Variants in CFP observed in about 807,000 individuals in gnomAD.
CFP encodes the protein properdin.
CFP carries 14 observed loss-of-function variants against 42.1 expected under a neutral mutation model. The observed-to-expected ratio is 0.33, with a 90% CI of 0.22 to 0.52. The LOEUF (loss-of-function observed/expected upper bound fraction) is 0.52, where lower values mean the gene tolerates loss of function less well. Ranked by LOEUF, CFP falls within the 20% of genes least tolerant of loss-of-function variation. CFP has a pLI of 0.96. For synonymous variants in CFP, 149 were observed against 160.6 expected (o/e 0.93, Z 0.54); for missense variants, 318 against 400.4 (o/e 0.79, Z 1.76).
At position 47,624,157 on chromosome X, in the gene CFP, T is replaced by C; in HGVS notation, c.*118A>G. On this transcript the variant is annotated 3_prime_UTR_variant, in exon 9 of 9. Coordinates refer to ENST00000396992, the MANE Select transcript of CFP (RefSeq NM_001145252.3). ...TTTGCCCTATGAGATGCTATCACCC[T>C]ACTTTTGGGGAAGGGGATAGGTTGT... 1 of 790,573 alleles carries C rather than the reference T, an allele frequency of 1.3e-6. No individual in the cohort carries two copies. Among genetic ancestry groups the C allele is most frequent in the East Asian group, 3.2e-5 (1 of 31,697 alleles). The allele number at this position is 790,573 out of a possible 1,213,427, so 65.2% of individuals were successfully genotyped here. A position where few individuals can be genotyped will look rare whatever the true frequency, so the allele number is the denominator to read the frequency against.
Position 47,628,125 on chromosome X carries a change from C to T in CFP, c.380G>A (p.Cys127Tyr). 1 of 1,211,866 alleles carries T rather than the reference C, an allele frequency of 8.3e-7. No homozygotes were observed. The highest frequency in any genetic ancestry group is 1.1e-6 in the Non-Finnish European group (1 of 895,558). The change falls in exon 3 of 9, where the codon TGT becomes TAT. Residue 127 changes from cysteine (C) to tyrosine (Y), a missense_variant. Physicochemically the swap from Cys to Tyr is radical, Grantham distance 194. Transcript: ENST00000396992. Reference protein sequence around the residue: ...PGTLEWQLQACEDQQCCPEMG... With the variant: ...PGTLEWQLQAYEDQQCCPEMG... ...ACCAGGACAGCACTGCTGGTCCTCACAGGCCTGGAGCTGCCACTCCAGGGT... is the reference window on the plus strand; with the variant it reads ...ACCAGGACAGCACTGCTGGTCCTCATAGGCCTGGAGCTGCCACTCCAGGGT...
rs1249346764 is a variant in CFP, at chrX:47,626,876, C to T, written c.837G>A (p.Met279Ile). The T allele has an allele frequency of 8.3e-7, 1 of 1,205,016 alleles. No homozygotes were observed. Residue 279 changes from methionine to isoleucine, a missense_variant, in exon 6 of 9, where the codon ATG becomes ATA. By Grantham distance (10) the Met-to-Ile change is conservative (BLOSUM62 1). Coordinates refer to ENST00000396992, the MANE Select transcript of CFP (RefSeq NM_001145252.3). ...CAGGGTGATTGCACGTCCGTTGTTC[C>T]ATGGTCTGGCCCAGGCCACAGGTCA... Reference protein sequence around the residue: ...CPVTCGLGQTMEQRTCNHPVP... With the variant: ...CPVTCGLGQTIEQRTCNHPVP...
In CFP at chrX:47,629,782, G is replaced by A. The variant is rs1273192473; in HGVS notation, c.63C>T (p.Thr21=). 2 of 1,169,747 alleles carry A rather than the reference G, an allele frequency of 1.7e-6. No homozygotes were observed. The highest frequency in any genetic ancestry group is 2.5e-5 in the Admixed American group (1 of 39,238). ...TCACCCCCTCACCTGTGGCTGGCAG[G>A]GTGAGCAGCAGGAGCAGCGGCGGCA... The part of the protein sequence containing the change: ...LLLPPLLLLL[T]LPATGSDPVL... The change falls in exon 1 of 9, where the codon ACC becomes ACT. Residue 21 remains threonine, a synonymous_variant. Coordinates refer to ENST00000396992, the MANE Select transcript of CFP (RefSeq NM_001145252.3).
intron 2 of CFP, 26 bp downstream of exon 2, chrX:47,629,498 A>ACCC: frequency 1.1e-5 from 3 of 270,853 alleles, no homozygotes; most frequent in Non-Finnish European, 1.3e-5. Flanking sequence ...CCTCCCCCCC[A>ACCC]TCCCCCACCC....
intron 7 of CFP, 23 bp from the exon 8 acceptor site, chrX:47,626,192 C>G (rs781720598): frequency 3.5e-6 from 4 of 1,141,807 alleles, no homozygotes; most frequent in African/African-American, 1.8e-5. Flanking sequence ...GTAGGGGTCA[C>G]AGAGTCAGAA....
chrX:47,627,349 G>C lies in CFP; in HGVS notation c.575-17C>G, dbSNP rs199849597. On this transcript the variant is annotated splice_polypyrimidine_tract_variant and intron_variant, in intron 4 of 8. Transcript: ENST00000396992. ...CCCCGTGTGCTGTGGTGGGGTGGGA[G>C]GTGGAGGGATGCAGGTGTGGTCATG... The C allele has an allele frequency of 8.4e-7, 1 of 1,186,706 alleles. No homozygotes were observed. The highest frequency in any genetic ancestry group is 1.8e-5 in the South Asian group (1 of 54,085).
chrX:47,630,126 C>A, upstream of CFP: 1 of 387,897 alleles, frequency 2.6e-6, no homozygotes, highest in Non-Finnish European at 4.5e-6. Context: ...GACAAATTCT[C>A]ACCCAGAGGA....
In CFP at chrX:47,626,185, G is replaced by C. The variant is rs781697408; in HGVS notation, c.1133-16C>G. ...GATCCTTTCACTGCAATGAGGGGTA[G>C]GGGTCACAGAGTCAGAACTGGAGGT... On this transcript the variant is annotated splice_polypyrimidine_tract_variant and intron_variant, in intron 7 of 8. Coordinates refer to ENST00000396992, the MANE Select transcript of CFP (RefSeq NM_001145252.3). 8.7e-6 allele frequency: 10 copies of C among 1,146,172 alleles called. No individual in the cohort carries two copies. In the East Asian group the frequency reaches 3.2e-4, roughly 37 times the overall value. The allele number at this position is 1,146,172 out of a possible 1,213,427, so 94.5% of individuals were successfully genotyped here.
At chrX:47,625,680 T>A in intron 8 of CFP, 1 of 271,468 alleles carries the variant, frequency 3.7e-6, no homozygotes, top group Non-Finnish European at 6.8e-6. Flanking sequence ...TGAAAAAGCC[T>A]TGGAGTGCCT....
intron 2 of CFP, 35 bp downstream of exon 2, chrX:47,629,489 C>CG: frequency 2.0e-5 from 13 of 654,444 alleles, no homozygotes; most frequent in African/African-American, 4.4e-5. Flanking sequence ...CAGTCCTTCC[C>CG]TCCCCCCCAT....
chrX:47,629,577 G>A lies in CFP; in HGVS notation c.174C>T (p.Leu58=). 1 of 1,134,016 alleles carries A rather than the reference G, an allele frequency of 8.8e-7. No individual in the cohort carries two copies. Among genetic ancestry groups the A allele is most frequent in the South Asian group, 1.9e-5 (1 of 52,475 alleles). The allele number at this position is 1,134,016 out of a possible 1,213,427, so 93.5% of individuals were successfully genotyped here. The change falls in exon 2 of 9, where the codon CTC becomes CTT. Residue 58 remains leucine, a synonymous_variant. Coordinates refer to ENST00000396992, the MANE Select transcript of CFP (RefSeq NM_001145252.3). ...GGGVSVEDCC[L]NTAFAYQKRS... ...GTTTCTGGTAGGCAAAGGCAGTGTT[G>A]AGACAGCAGTCTTCCACGCTGACAC...
In CFP at chrX:47,625,950, G is replaced by A. The variant is rs1208478034; in HGVS notation, c.1244+108C>T. On this transcript the variant is annotated intron_variant, in intron 8 of 8. Coordinates refer to ENST00000396992, the MANE Select transcript of CFP (RefSeq NM_001145252.3). The stretch of plus-strand genomic sequence containing the variant: ...CAGCTGGGAGGTGGCACTCGGCAAG[G>A]CAGATACCTTAGATTCAGCAGTGGA... 5.1e-5 allele frequency: 32 copies of A among 631,923 alleles called. No individual in the cohort carries two copies. The East Asian group carries it at 6.4e-4, about 13-fold the overall frequency. 52.1% of individuals were successfully genotyped at this position (631,923 alleles called of 1,213,427 possible).
chrX:47,628,658 T>C (rs1310996842), intron 2 of CFP: 2 of 322,984 alleles, frequency 6.2e-6, no homozygotes, highest in Non-Finnish European at 1.2e-5. Flanking sequence ...CCCTATGACC[T>C]CAGAGGCCTC....
intron 3 of CFP, 75 bp from the exon 4 acceptor site, chrX:47,627,716 A>AC: frequency 1.0e-6 from 1 of 983,432 alleles, no homozygotes; most frequent in Non-Finnish European, 1.4e-6. Flanking sequence ...TGAGTGCCCC[A>AC]CATGAGCTAA....
chrX:47,628,313 G>A, intron 2 of CFP, 36 bp from the exon 3 acceptor site: 1 of 1,174,301 alleles, frequency 8.5e-7, no homozygotes, highest in African/African-American at 1.8e-5. Flanking sequence ...ATCCTGGCAT[G>A]AGCTAACAAG....
chrX:47,626,978 G>A, intron 5 of CFP, 32 bp from the exon 6 acceptor site: 1 of 1,159,984 alleles, frequency 8.6e-7, no homozygotes. Flanking sequence ...TGAGGAGAAA[G>A]GCCTCCTCAA....
At chrX:47,624,569 T>TTTTTTTTTG (rs1207002427) in intron 8 of CFP, 129 bp from the exon 9 acceptor site, 1 of 598,412 alleles carries the variant, frequency 1.7e-6, no homozygotes, top group Non-Finnish European at 2.4e-6. Flanking sequence ...CCTTTTTTTT[T>TTTTTTTTTG]TTTGAGGCAG....
intron 6 of CFP, 30 bp from the exon 7 acceptor site, chrX:47,626,549 C>A: frequency 8.3e-7 from 1 of 1,200,977 alleles, no homozygotes. Context: ...GGGGATTGGA[C>A]CAAAGCAGGG....
At chrX:47,626,022 G>T in intron 8 of CFP, 36 bp downstream of exon 8, 1 of 1,080,857 alleles carries the variant, frequency 9.3e-7, no homozygotes, top group Non-Finnish European at 1.3e-6. Context: ...GTAATATAAT[G>T]ACCCCCTCCC....
Sources: gnomAD v4.1 joint callset for allele counts on GRCh38, gnomAD v4.1.1 for gene constraint, MANE v1.5 for transcripts, NCBI Gene and HGNC (gene_info 2026-07-23, HGNC 2026-07-21) for gene names.